The following PSTPIP2 variants were observed in gnomAD, a reference collection of about 807,000 sequenced individuals.
PSTPIP2 encodes proline-serine-threonine phosphatase-interacting protein 2.
In PSTPIP2, 33 loss-of-function variants were observed where a neutral mutation model predicts 63.3. That is an observed-to-expected ratio of 0.52 (90% confidence interval 0.40 to 0.70). The LOEUF (loss-of-function observed/expected upper bound fraction) is 0.70, where lower values mean the gene tolerates loss of function less well. PSTPIP2 is among the 30% of genes least tolerant of loss of function. The pLI is 0.00. For synonymous variants in PSTPIP2, 125 were observed against 132.7 expected (o/e 0.94, Z 0.40); for missense variants, 312 against 400.7 (o/e 0.78, Z 1.89).
chr18:46,052,365 G>A (rs1464646281), intron 1 of PSTPIP2, among the ~76,000 whole-genome samples: 1 of 152,110 alleles, frequency 6.6e-6, no homozygotes, highest in African/African-American at 2.4e-5. Context: ...GAAGGTCTTT[G>A]ATCTCTATCA....
chr18:46,060,119 C>T (rs1047464737), intron 1 of PSTPIP2, among the ~76,000 whole-genome samples: 4 of 152,028 alleles, frequency 2.6e-5, no homozygotes, highest in African/African-American at 7.2e-5. Context: ...AAGTGTCTTT[C>T]CTGGTGTTTG....
chr18:46,069,840 T>C (rs1323418280), intron 1 of PSTPIP2, among the ~76,000 whole-genome samples: 1 of 152,096 alleles, frequency 6.6e-6, no homozygotes, highest in Non-Finnish European at 1.5e-5. Flanking sequence ...TCCTCCTCCA[T>C]CAATAGAGGC....
intron 3 of PSTPIP2, among the ~76,000 whole-genome samples, chr18:46,022,292 T>TGTGC (rs1907394789): frequency 1.3e-5 from 2 of 151,794 alleles, no homozygotes; most frequent in African/African-American, 2.4e-5. Context: ...TGTGTGTGTG[T>TGTGC]GTGTGTTGCA....
chr18:46,003,826 G>T (rs568104200), intron 6 of PSTPIP2, among the ~76,000 whole-genome samples: 5 of 149,404 alleles, frequency 3.3e-5, no homozygotes, highest in African/African-American at 1.2e-4. Flanking sequence ...GTGCGATCTC[G>T]GCTCACCGCA....
At chr18:46,039,800 T>G in intron 2 of PSTPIP2, 147 bp downstream of exon 2, 1 of 682,162 alleles carries the variant, frequency 1.5e-6, no homozygotes, top group South Asian at 1.7e-5. Context: ...AGAAGTATCA[T>G]GTACTTCTCA....
intron 2 of PSTPIP2, chr18:46,028,232 T>C (rs978017614): frequency 4.9e-5 from 19 of 388,548 alleles, no homozygotes; most frequent in Admixed American, 4.0e-5. Flanking sequence ...AACCTAACGA[T>C]GCCGCGGGAA....
chr18:46,003,213 G>A (rs1321982427), intron 6 of PSTPIP2, among the ~76,000 whole-genome samples: 2 of 152,194 alleles, frequency 1.3e-5, no homozygotes, highest in Non-Finnish European at 2.9e-5. Flanking sequence ...CACCATCCCA[G>A]GAGGGAGAGG....
chr18:46,035,295 C>A (rs940680848), intron 2 of PSTPIP2, among the ~76,000 whole-genome samples: 29 of 152,030 alleles, frequency 1.9e-4, no homozygotes, highest in African/African-American at 7.0e-4. Context: ...TGGTACATGC[C>A]TGTAATCCCA....
In PSTPIP2 at chr18:46,021,291, C is replaced by A. The variant is rs972394721; in HGVS notation, c.212+3318G>T. ...AAATTGGTTACATAATCACACAGAG[C>A]AAATAAATGTTTAAGTGACCTATTA... On this transcript the variant is annotated intron_variant, in intron 3 of 14. Coordinates refer to ENST00000409746, the MANE Select transcript of PSTPIP2 (RefSeq NM_024430.4). Among the ~76,000 whole-genome samples the A allele has an allele frequency of 4.0e-5, 6 of 151,890 alleles. No homozygotes were observed. In the South Asian group the frequency reaches 6.2e-4, roughly 16 times the overall value.
At chr18:45,985,544 G>T in intron 14 of PSTPIP2, 94 bp from the exon 15 acceptor site, 1 of 1,345,444 alleles carries the variant, frequency 7.4e-7, no homozygotes, top group Non-Finnish European at 1.0e-6. Context: ...GAATAAGGGT[G>T]CAGGCCAAGG....
intron 5 of PSTPIP2, among the ~76,000 whole-genome samples, chr18:46,007,816 G>A (rs2051745392): frequency 6.6e-6 from 1 of 152,184 alleles, no homozygotes; most frequent in Non-Finnish European, 1.5e-5. Flanking sequence ...GGATTCCTGG[G>A]CTTTGAAACT....
chr18:46,023,987 G>C (rs1293824077), intron 3 of PSTPIP2, among the ~76,000 whole-genome samples: 1 of 151,754 alleles, frequency 6.6e-6, no homozygotes, highest in African/African-American at 2.4e-5. Context: ...TTAATAACAG[G>C]TTGTGGCTTC....
chr18:46,044,478 C>T (rs1355998037), intron 1 of PSTPIP2, among the ~76,000 whole-genome samples: 1 of 152,130 alleles, frequency 6.6e-6, no homozygotes, highest in East Asian at 1.9e-4. Flanking sequence ...AAACTGGATC[C>T]CTTCCTTACA....
chr18:46,010,948 A>C, intron 5 of PSTPIP2: 1 of 456,742 alleles, frequency 2.2e-6, no homozygotes, highest in Non-Finnish European at 3.9e-6. Flanking sequence ...CTGAAGAGGA[A>C]TGCAAGCTGG....
intron 10 of PSTPIP2, among the ~76,000 whole-genome samples, 200 bp from the exon 11 acceptor site, chr18:45,992,402 A>G (rs1354658993): frequency 6.6e-6 from 1 of 151,868 alleles, no homozygotes; most frequent in East Asian, 2.0e-4. Context: ...CTCTGTTTAA[A>G]ATACAAAAAA....
chr18:46,010,439 C>A (rs1415328440), intron 5 of PSTPIP2, among the ~76,000 whole-genome samples: 2 of 152,134 alleles, frequency 1.3e-5, no homozygotes, highest in African/African-American at 4.8e-5. Flanking sequence ...GTCTTGAAAA[C>A]CAGACACAGA....
At chr18:46,056,373 G>A (rs1282642392) in intron 1 of PSTPIP2, among the ~76,000 whole-genome samples, 1 of 152,182 alleles carries the variant, frequency 6.6e-6, no homozygotes, top group Non-Finnish European at 1.5e-5. Flanking sequence ...CCCCTACTAG[G>A]ATGAGGCATG....
intron 14 of PSTPIP2, among the ~76,000 whole-genome samples, chr18:45,986,637 T>A (rs1460651882): frequency 6.6e-6 from 1 of 152,194 alleles, no homozygotes; most frequent in Admixed American, 6.5e-5. Flanking sequence ...GGGAGGCTTA[T>A]GAAATGAAGA....
chr18:46,047,616 G>A (rs1394859019), intron 1 of PSTPIP2, among the ~76,000 whole-genome samples: 1 of 152,130 alleles, frequency 6.6e-6, no homozygotes, highest in African/African-American at 2.4e-5. Flanking sequence ...CTTGAACGTG[G>A]GAAACAGAGG....
Sources: allele counts gnomAD v4.1 joint callset (sites outside exome capture counted in the v4.1 genomes callset), GRCh38; gene constraint gnomAD v4.1.1; transcripts MANE v1.5; gene names NCBI Gene and HGNC (gene_info 2026-07-23, HGNC 2026-07-21).